The following SH3BP2 variants were observed in gnomAD, a reference collection of about 807,000 sequenced individuals.
SH3BP2 encodes the protein SH3 domain binding protein 2.
A neutral mutation model predicts 56.2 loss-of-function variants in SH3BP2; 38 were observed. The observed-to-expected ratio is 0.68, with a 90% CI of 0.52 to 0.89. SH3BP2 has a LOEUF of 0.89. Ranked by LOEUF, SH3BP2 falls within the 40% of genes least tolerant of loss-of-function variation. The pLI, the probability that SH3BP2 is intolerant of heterozygous loss-of-function variation, is 0.00. For synonymous variants in SH3BP2, 346 were observed against 316.7 expected (o/e 1.09, Z -0.98); for missense variants, 748 against 762.6 (o/e 0.98, Z 0.23).
In SH3BP2 at chr4:2,829,578, C is replaced by T. The variant is rs1724858059; in HGVS notation, c.672C>T (p.His224=). ...KPAFSDMPRA[H]SFTSKGPGPL... is the part of the protein sequence containing the mutation. ...CCTTCTCTGACATGCCCCGGGCCCACTCCTTTACCTCCAAGGGCCCCGGTC... is the reference window on the plus strand; with the variant it reads ...CCTTCTCTGACATGCCCCGGGCCCATTCCTTTACCTCCAAGGGCCCCGGTC... Residue 224 remains histidine (H), a synonymous_variant, in exon 8 of 13, where the codon CAC becomes CAT. Transcript: ENST00000503393. The surrounding 1 kb of genome is among the most constrained non-coding windows in gnomAD (Gnocchi z 4.9). 6.2e-7 allele frequency: 1 copy of T among 1,613,022 alleles called. No homozygotes were observed. Among genetic ancestry groups the T allele is most frequent in the Non-Finnish European group, 8.5e-7 (1 of 1,179,656 alleles).
intron 1 of SH3BP2, among the ~76,000 whole-genome samples, chr4:2,814,290 C>G (rs940287154): frequency 6.6e-6 from 1 of 152,194 alleles, no homozygotes; most frequent in African/African-American, 2.4e-5. Context: ...TGGTGGGAGC[C>G]ACAGAGCCTG....
chr4:2,818,910 CAG>C (rs968231919), intron 1 of SH3BP2: 9 of 984,930 alleles, frequency 9.1e-6, no homozygotes, highest in Non-Finnish European at 1.1e-5. Context: ...TTGCTAAAAG[CAG>C]AGAGTATTTT....
intron 1 of SH3BP2, chr4:2,798,981 C>A: frequency 1.0e-6 from 1 of 985,736 alleles, no homozygotes; most frequent in Non-Finnish European, 1.2e-6. Flanking sequence ...AGTGGCCCCC[C>A]AGGAGCTGCA....
rs1214722304 is a variant in SH3BP2, at chr4:2,816,275, AG to A, written c.-4-4337del. Among the ~76,000 whole-genome samples the A allele has an allele frequency of 4.6e-5, 7 of 152,170 alleles. No homozygotes were observed. The East Asian group carries it at 1.3e-3, about 29-fold the overall frequency. The stretch of plus-strand genomic sequence containing the variant: ...ACGCTGGTCTCGAACTCCTGACCTC[AG>A]GTGATCTGCCCGCCTCAGCCTCCCA... On this transcript the variant is annotated intron_variant, in intron 1 of 12. Transcript: ENST00000503393.
Position 2,811,795 on chromosome 4 carries a change from C to T in SH3BP2, c.-4-8819C>T, listed in dbSNP as rs560685645. 3.1e-5 allele frequency: 5 copies of T among 161,506 alleles called. No individual in the cohort carries two copies. The South Asian group carries it at 6.5e-4, about 21-fold the overall frequency. The allele number at this position is 161,506 out of a possible 1,614,324, so 10.0% of individuals were successfully genotyped here. The stretch of plus-strand genomic sequence containing the variant: ...TGGTGTCAAAGGGCACAGAGATGGC[C>T]ACCTTGAAATTCATAGAACCGGGTG... On this transcript the variant is annotated intron_variant, in intron 1 of 12. Coordinates refer to ENST00000503393, the MANE Select transcript of SH3BP2 (RefSeq NM_001122681.2).
At chr4:2,824,851 G>A in intron 4 of SH3BP2, 121 bp downstream of exon 4, 1 of 809,098 alleles carries the variant, frequency 1.2e-6, no homozygotes, top group Non-Finnish European at 2.1e-6. Context: ...CCCGGGCAAA[G>A]AGAAGGTGTG....
chr4:2,804,572 T>G (rs547010355), intron 1 of SH3BP2, among the ~76,000 whole-genome samples: 2 of 152,254 alleles, frequency 1.3e-5, no homozygotes, highest in South Asian at 4.1e-4. Context: ...CTGCGGTAGC[T>G]TCCTCCCTGT....
At chr4:2,811,024 G>C (rs550178113) in intron 1 of SH3BP2, among the ~76,000 whole-genome samples, 3 of 152,232 alleles carry the variant, frequency 2.0e-5, no homozygotes, top group African/African-American at 7.2e-5. Context: ...GGACGCCAGG[G>C]TGTCTGTGCC....
In SH3BP2 at chr4:2,839,766, C is replaced by T. The variant is rs1258078795; in HGVS notation, c.*5932C>T. Reference sequence around the variant, plus strand: ...TTTTTTTTTTAGAGATAGGATCTTACTATGCCCCAGCTGGTCTCAAACTCC... The same window carrying T: ...TTTTTTTTTTAGAGATAGGATCTTATTATGCCCCAGCTGGTCTCAAACTCC... On this transcript the variant is annotated 3_prime_UTR_variant, in exon 13 of 13. Transcript: ENST00000503393. 2.0e-5 allele frequency: 3 copies of T among 150,806 alleles called. No individual in the cohort carries two copies. The highest frequency in any genetic ancestry group is 4.4e-5 in the Non-Finnish European group (3 of 67,838). 9.3% of individuals were successfully genotyped at this position (150,806 alleles called of 1,614,324 possible).
At chr4:2,833,204 A>G in intron 12 of SH3BP2, 155 bp downstream of exon 12, 2 of 678,428 alleles carry the variant, frequency 2.9e-6, no homozygotes, top group African/African-American at 2.1e-5. Flanking sequence ...CTCACCCCCC[A>G]CCCCTCCTGC....
In SH3BP2 at chr4:2,831,649, C is replaced by T. The variant is rs769046491; in HGVS notation, c.1320C>T (p.Gly440=). 162 of 1,595,534 alleles carry T rather than the reference C, an allele frequency of 1.0e-4. 1 individual carries two copies. In the East Asian group the frequency reaches 2.5e-3, roughly 24 times the overall value. Residue 440 remains glycine, a synonymous_variant, in exon 9 of 13, where the codon GGC becomes GGT. Transcript: ENST00000503393. The surrounding 1 kb of genome is among the most constrained non-coding windows in gnomAD (Gnocchi z 4.1). ...KPRQPSQADT[G]GDDSDEDYEK... ...GGCAACCCTCACAGGCTGACACTGG[C>T]GGGGACGACTCGGACGAGGACTATG...
intron 1 of SH3BP2, among the ~76,000 whole-genome samples, chr4:2,814,498 GCACA>G (rs34086288): frequency 7.7e-4 from 117 of 151,460 alleles, no homozygotes; most frequent in African/African-American, 1.3e-3. Context: ...ATGTGCATGT[GCACA>G]CACACACACA....
At chr4:2,830,291 T>G in intron 8 of SH3BP2, 144 bp downstream of exon 8, 1 of 729,196 alleles carries the variant, frequency 1.4e-6, no homozygotes, top group Non-Finnish European at 2.2e-6. Flanking sequence ...AGGTTCCCGG[T>G]TGCCTCCAGT....
rs754009644 is a variant in SH3BP2, at chr4:2,831,579, C to T, written c.1250C>T (p.Pro417Leu). ...TCTCCCTGCCCCTCCAGGCGATCAC[C>T]CCCCGATGGGCAGAGTTTCAGGAGC... is the stretch of plus-strand genomic sequence containing the variant. ...KPQLPHLQRS[P>L]PDGQSFRSFS... The change falls in exon 9 of 13, where the codon CCC becomes CTC. Residue 417 changes from proline (P) to leucine (L), a missense_variant. Pro to Leu is a moderately conservative substitution (Grantham distance 98). Coordinates refer to ENST00000503393, the MANE Select transcript of SH3BP2 (RefSeq NM_001122681.2). The surrounding 1 kb of genome is among the most constrained non-coding windows in gnomAD (Gnocchi z 4.1). The T allele has an allele frequency of 6.3e-7, 1 of 1,585,486 alleles. No homozygotes were observed. Among genetic ancestry groups the T allele is most frequent in the East Asian group, 2.3e-5 (1 of 43,262 alleles).
At position 2,802,520 on chromosome 4, in the gene SH3BP2, A is replaced by G. The variant is rs568034690; in HGVS notation, c.-5+9382A>G. On this transcript the variant is annotated intron_variant, in intron 1 of 12. Transcript: ENST00000503393. ...TATATATATGTTTGTATATATGTGT[A>G]TATATATATGTATGTGTGTGTGTGT... Among the ~76,000 whole-genome samples the G allele has an allele frequency of 5.2e-3, 383 of 73,808 alleles. 2 individuals carry two copies. The highest frequency in any genetic ancestry group is 0.026 in the African/African-American group (362 of 14,008). 48.4% of individuals were successfully genotyped at this position (73,808 alleles called of 152,430 possible).
intron 11 of SH3BP2, 37 bp downstream of exon 11, chr4:2,832,449 G>GCCC: frequency 6.5e-7 from 1 of 1,531,866 alleles, no homozygotes; most frequent in Non-Finnish European, 9.0e-7. Context: ...GGCCCCTCTG[G>GCCC]CTCTCCACAC....
intron 1 of SH3BP2, chr4:2,818,673 C>A: frequency 1.0e-6 from 1 of 990,502 alleles, no homozygotes; most frequent in Non-Finnish European, 1.2e-6. Flanking sequence ...GGGCCGGGCG[C>A]GGTTGGGCGG....
At chr4:2,824,772 G>C in intron 4 of SH3BP2, 42 bp downstream of exon 4, 1 of 1,458,202 alleles carries the variant, frequency 6.9e-7, no homozygotes, top group South Asian at 1.1e-5. Flanking sequence ...GACTGGGGGT[G>C]TGGGCCTGCA....
chr4:2,819,725 AG>A lies in SH3BP2; in HGVS notation c.-4-885del, dbSNP rs200054040. The stretch of plus-strand genomic sequence containing the variant: ...GGGCAATGAGGGTGCCTAGCAGAAG[AG>A]GGGACTCTTAACCTGGGTCTTGATG... On this transcript the variant is annotated intron_variant, in intron 1 of 12. Transcript: ENST00000503393. Among the ~76,000 whole-genome samples the A allele has an allele frequency of 2.6e-3, 334 of 126,414 alleles. 1 individual carries two copies. Among genetic ancestry groups the A allele is most frequent in the Non-Finnish European group, 5.1e-3 (274 of 54,154 alleles). The allele number at this position is 126,414 out of a possible 152,430, so 82.9% of individuals were successfully genotyped here.
Sources: allele counts gnomAD v4.1 joint callset (sites outside exome capture counted in the v4.1 genomes callset), GRCh38; gene constraint gnomAD v4.1.1; non-coding constraint Gnocchi (gnomAD v3.1); transcripts MANE v1.5; gene names NCBI Gene and HGNC (gene_info 2026-07-23, HGNC 2026-07-21).